Variants in SPECC1L observed in about 807,000 individuals in gnomAD.
The protein encoded by SPECC1L is cytospin-A.
Under a neutral mutation model 116.8 loss-of-function variants are expected in SPECC1L, and 40 were observed. The ratio of observed to expected loss-of-function variants is 0.34; its 90% CI spans 0.27 to 0.45. SPECC1L has a LOEUF of 0.45. Ranked by LOEUF, SPECC1L falls within the 20% of genes least tolerant of loss-of-function variation. The pLI is 1.00. For synonymous variants in SPECC1L, 504 were observed against 500.6 expected, an observed-to-expected ratio of 1.01 and a Z score of -0.09; for missense variants, 1,110 against 1,373.6, an observed-to-expected ratio of 0.81 and a Z score of 3.03.
chr22:24,303,950 CCTTCA>C (rs1352071198), intron 3 of SPECC1L, among the ~76,000 whole-genome samples: 2 of 150,460 alleles, frequency 1.3e-5, no homozygotes, highest in Non-Finnish European at 3.0e-5. Flanking sequence ...GGAGCAATTG[CCTTCA>C]CTTAAGAGAG....
At chr22:24,388,066 C>T (rs1300962271) in intron 14 of SPECC1L, among the ~76,000 whole-genome samples, 1 of 151,814 alleles carries the variant, frequency 6.6e-6, no homozygotes, top group Non-Finnish European at 1.5e-5. Flanking sequence ...TCTTCCTGTT[C>T]TTAAAATTCT....
At chr22:24,354,428 T>C (rs2041487271) in intron 11 of SPECC1L, among the ~76,000 whole-genome samples, 2 of 152,222 alleles carry the variant, frequency 1.3e-5, no homozygotes, top group Non-Finnish European at 2.9e-5. Context: ...TTTATATTAG[T>C]ATAGACTCAT....
chr22:24,299,859 C>T (rs1177068481), intron 2 of SPECC1L, among the ~76,000 whole-genome samples: 1 of 152,108 alleles, frequency 6.6e-6, no homozygotes, highest in Non-Finnish European at 1.5e-5. Flanking sequence ...CAAAAAGAAA[C>T]CCTGTATCCA....
intron 10 of SPECC1L, among the ~76,000 whole-genome samples, chr22:24,339,180 C>T (rs1174351007): frequency 6.6e-6 from 1 of 152,196 alleles, no homozygotes; most frequent in Non-Finnish European, 1.5e-5. Context: ...TTTGTCTTCT[C>T]AGGCTCCTTC....
chr22:24,275,426 G>A (rs1254496820), intron 1 of SPECC1L, among the ~76,000 whole-genome samples: 2 of 152,168 alleles, frequency 1.3e-5, no homozygotes, highest in East Asian at 1.9e-4. Context: ...CTTGAAGGAG[G>A]GGAGTGTCTC....
At chr22:24,341,037 CTT>C (rs2041166826) in intron 10 of SPECC1L, among the ~76,000 whole-genome samples, 1 of 152,142 alleles carries the variant, frequency 6.6e-6, no homozygotes, top group African/African-American at 2.4e-5. Context: ...GGCCCACAGT[CTT>C]TTCCTGGAGG....
At chr22:24,338,612 C>T (rs1324868776) in intron 10 of SPECC1L, 135 bp downstream of exon 10, 9 of 686,364 alleles carry the variant, frequency 1.3e-5, no homozygotes, top group Non-Finnish European at 2.3e-5. Context: ...AATTTGTTTC[C>T]TAAAATACTA....
intron 3 of SPECC1L, among the ~76,000 whole-genome samples, chr22:24,306,701 T>C (rs2049505222): frequency 6.6e-6 from 1 of 152,212 alleles, no homozygotes; most frequent in African/African-American, 2.4e-5. Flanking sequence ...TGCAGTTCAG[T>C]TCTGTTAAAT....
chr22:24,351,381 G>C (rs994074218), intron 11 of SPECC1L, among the ~76,000 whole-genome samples: 5 of 152,146 alleles, frequency 3.3e-5, no homozygotes, highest in African/African-American at 9.7e-5. Flanking sequence ...GGGTGTGGAA[G>C]GTCTGTAGGC....
At chr22:24,345,012 A>G (rs1786043210) in intron 10 of SPECC1L, among the ~76,000 whole-genome samples, 1 of 152,168 alleles carries the variant, frequency 6.6e-6, no homozygotes, top group African/African-American at 2.4e-5. Context: ...TTGGGTAGAA[A>G]TTGACATGGT....
intron 2 of SPECC1L, among the ~76,000 whole-genome samples, chr22:24,300,432 A>G (rs1359649466): frequency 6.6e-6 from 1 of 152,222 alleles, no homozygotes; most frequent in Non-Finnish European, 1.5e-5. Flanking sequence ...CAGTGCTGCA[A>G]TAAACATACC....
At chr22:24,338,200 A>T (rs537668007) in intron 9 of SPECC1L, among the ~76,000 whole-genome samples, 186 bp from the exon 10 acceptor site, 1 of 152,332 alleles carries the variant, frequency 6.6e-6, no homozygotes, top group South Asian at 2.1e-4. Flanking sequence ...AATTCACCTG[A>T]TGGGAGGAAA....
intron 11 of SPECC1L, among the ~76,000 whole-genome samples, chr22:24,349,438 C>T (rs2041375048): frequency 6.6e-6 from 1 of 152,198 alleles, no homozygotes. Flanking sequence ...GTTATTGTAT[C>T]CTGTCTCATG....
intron 14 of SPECC1L, among the ~76,000 whole-genome samples, chr22:24,373,204 G>A (rs1224043213): frequency 1.3e-5 from 2 of 152,126 alleles, no homozygotes; most frequent in East Asian, 1.9e-4. Flanking sequence ...TACTGCCCAA[G>A]GTAATTTATA....
chr22:24,324,149 T>C (rs2040773365), intron 5 of SPECC1L, 71 bp from the exon 6 acceptor site: 4 of 1,269,690 alleles, frequency 3.2e-6, no homozygotes. Context: ...AAACTGTGTG[T>C]ACCTCAATTC....
At chr22:24,336,980 G>T (rs1477435280) in intron 9 of SPECC1L, among the ~76,000 whole-genome samples, 2 of 152,150 alleles carry the variant, frequency 1.3e-5, no homozygotes, top group African/African-American at 2.4e-5. Flanking sequence ...CTAACTGTAG[G>T]CTAATGTAAT....
intron 14 of SPECC1L, among the ~76,000 whole-genome samples, chr22:24,410,830 AT>A (rs1339882186): frequency 6.6e-6 from 1 of 152,138 alleles, no homozygotes; most frequent in African/African-American, 2.4e-5. Flanking sequence ...GACTTGGAGG[AT>A]CTTTGACATG....
At chr22:24,370,349 A>G (rs1450572574) in intron 14 of SPECC1L, among the ~76,000 whole-genome samples, 2 of 150,810 alleles carry the variant, frequency 1.3e-5, no homozygotes, top group East Asian at 3.9e-4. Flanking sequence ...GCCAGTGGCA[A>G]GTAAAAAAGA....
At chr22:24,363,079 T>C (rs1282021486) in intron 11 of SPECC1L, among the ~76,000 whole-genome samples, 182 bp from the exon 12 acceptor site, 1 of 152,184 alleles carries the variant, frequency 6.6e-6, no homozygotes, top group Non-Finnish European at 1.5e-5. Flanking sequence ...TGTTCTACTG[T>C]GTTCTGTGTA....
Sources: allele counts gnomAD v4.1 joint callset (sites outside exome capture counted in the v4.1 genomes callset), GRCh38; gene constraint gnomAD v4.1.1; transcripts MANE v1.5; gene names NCBI Gene and HGNC (gene_info 2026-07-23, HGNC 2026-07-21).